SNTG2: variants seen among roughly 807,000 people sequenced by gnomAD.
SNTG2 encodes the protein syntrophin gamma 2.
SNTG2 carries 74 observed loss-of-function variants against 70.9 expected under a neutral mutation model. The ratio of observed to expected loss-of-function variants is 1.04; its 90% CI spans 0.86 to 1.27. The LOEUF is 1.27. Ranked by LOEUF, SNTG2 falls within the 50% of genes most tolerant of loss-of-function variation. The pLI, the probability that SNTG2 is intolerant of heterozygous loss-of-function variation, is 0.00. For synonymous variants in SNTG2, 278 were observed against 273.8 expected (o/e 1.02, Z -0.15); for missense variants, 717 against 690.7 (o/e 1.04, Z -0.43).
chr2:1,342,195 C>T (rs1660141476), intron 16 of SNTG2, among the ~76,000 whole-genome samples: 1 of 151,588 alleles, frequency 6.6e-6, no homozygotes, highest in Non-Finnish European at 1.5e-5. Flanking sequence ...TAGACAAGGC[C>T]GGTTTCTTGC....
intron 4 of SNTG2, among the ~76,000 whole-genome samples, chr2:1,120,617 T>G (rs1283301442): frequency 6.6e-6 from 1 of 152,062 alleles, no homozygotes; most frequent in African/African-American, 2.4e-5. Context: ...ACTTAACATC[T>G]GATAAAACAG....
At chr2:1,266,891 C>T (rs984388213) in intron 13 of SNTG2, among the ~76,000 whole-genome samples, 6 of 151,742 alleles carry the variant, frequency 4.0e-5, no homozygotes, top group Middle Eastern at 3.2e-3. Context: ...ATAGCTAGAA[C>T]TACAAGCGTG....
chr2:1,319,347 A>AT (rs934118294), intron 16 of SNTG2, among the ~76,000 whole-genome samples: 6 of 152,206 alleles, frequency 3.9e-5, no homozygotes, highest in African/African-American at 4.8e-5. Flanking sequence ...ATTTGTGGAA[A>AT]TTTTTTATGA....
chr2:1,340,548 C>T (rs541982446), intron 16 of SNTG2, among the ~76,000 whole-genome samples: 2 of 152,296 alleles, frequency 1.3e-5, no homozygotes, highest in South Asian at 2.1e-4. Flanking sequence ...ATATGATCAC[C>T]TCTATTCTTT....
At chr2:1,347,666 G>A (rs1660366296) in intron 16 of SNTG2, among the ~76,000 whole-genome samples, 1 of 152,194 alleles carries the variant, frequency 6.6e-6, no homozygotes. Context: ...TCAGCATTAA[G>A]GGGTCTGAAT....
chr2:1,159,989 A>G (rs1670164795), intron 6 of SNTG2, among the ~76,000 whole-genome samples: 1 of 152,202 alleles, frequency 6.6e-6, no homozygotes, highest in Non-Finnish European at 1.5e-5. Context: ...CGTCCGTGAG[A>G]AAGACTAGAA....
At chr2:1,022,901 C>T (rs1235415973) in intron 1 of SNTG2, among the ~76,000 whole-genome samples, 1 of 152,038 alleles carries the variant, frequency 6.6e-6, no homozygotes, top group East Asian at 1.9e-4. Flanking sequence ...TAGGGACTGT[C>T]GTCTGGAGAG....
intron 8 of SNTG2, among the ~76,000 whole-genome samples, chr2:1,199,598 A>T (rs1673153842): frequency 6.6e-6 from 1 of 152,124 alleles, no homozygotes; most frequent in African/African-American, 2.4e-5. Flanking sequence ...TTTGCAGATG[A>T]CATGATCTTA....
rs1303370196 is a variant in SNTG2 at position 1,150,525 on chromosome 2, T to A, written c.411+12716T>A. Reference sequence around the variant, plus strand: ...TGGGGGCTTGGTGTGCGCCTCCTGATGTATGGCCAGGAGGACAGAGCAGGA... The same window carrying A: ...TGGGGGCTTGGTGTGCGCCTCCTGAAGTATGGCCAGGAGGACAGAGCAGGA... On this transcript the variant is annotated intron_variant, in intron 6 of 16. Coordinates refer to ENST00000308624, the MANE Select transcript of SNTG2 (RefSeq NM_018968.4). Among the ~76,000 whole-genome samples the A allele has an allele frequency of 3.9e-5, 6 of 151,974 alleles. No homozygotes were observed. The East Asian group carries it at 9.7e-4, about 25-fold the overall frequency.
intron 1 of SNTG2, among the ~76,000 whole-genome samples, chr2:981,979 C>A (rs1235888128): frequency 6.6e-5 from 10 of 152,200 alleles, no homozygotes. Flanking sequence ...GATGCACACT[C>A]ACATGCACTT....
At chr2:1,098,508 G>A (rs1572424595) in intron 4 of SNTG2, 98 bp downstream of exon 4, 10 of 1,280,440 alleles carry the variant, frequency 7.8e-6, no homozygotes, top group Admixed American at 5.4e-5. Flanking sequence ...TGTTTTGCTC[G>A]ATTACCTAAA....
chr2:1,295,512 A>G (rs568102542), intron 14 of SNTG2, among the ~76,000 whole-genome samples: 12 of 152,338 alleles, frequency 7.9e-5, no homozygotes, highest in Admixed American at 6.5e-4. Flanking sequence ...CAGAAATGTA[A>G]TGATTGAGGA....
At chr2:1,164,600 G>A (rs1236472783) in intron 6 of SNTG2, among the ~76,000 whole-genome samples, 2 of 151,188 alleles carry the variant, frequency 1.3e-5, no homozygotes, top group African/African-American at 4.9e-5. Context: ...AAGTGAGATA[G>A]GAACCTGCCC....
At chr2:1,340,455 A>G (rs994504013) in intron 16 of SNTG2, among the ~76,000 whole-genome samples, 1 of 152,226 alleles carries the variant, frequency 6.6e-6, no homozygotes, top group African/African-American at 2.4e-5. Context: ...TTTCTTTTCC[A>G]GGTTCTGTAG....
At chr2:1,031,528 A>ATATATATATATATATATATATATTTT in intron 1 of SNTG2, among the ~76,000 whole-genome samples, 14 of 59,102 alleles carry the variant, frequency 2.4e-4, no homozygotes, top group Non-Finnish European at 3.5e-4. Context: ...ATATATATAT[A>ATATATATATATATATATATATATTTT]TTTTTTTTTT....
chr2:1,173,840 A>G (rs1465764158), intron 8 of SNTG2, among the ~76,000 whole-genome samples: 1 of 152,272 alleles, frequency 6.6e-6, no homozygotes, highest in Admixed American at 6.5e-5. Flanking sequence ...CCGCAGGGTG[A>G]CCTGTGAGCT....
At chr2:1,196,515 A>G (rs912361684) in intron 8 of SNTG2, among the ~76,000 whole-genome samples, 1 of 152,168 alleles carries the variant, frequency 6.6e-6, no homozygotes, top group African/African-American at 2.4e-5. Context: ...ATCTAGATAT[A>G]GAAAGCTTAA....
intron 16 of SNTG2, among the ~76,000 whole-genome samples, chr2:1,333,544 T>A (rs1317679679): frequency 1.3e-5 from 2 of 152,104 alleles, no homozygotes; most frequent in Non-Finnish European, 2.9e-5. Context: ...CAAACCATAA[T>A]AGAAGGCTAT....
chr2:1,337,488 C>T (rs984877113), intron 16 of SNTG2, among the ~76,000 whole-genome samples: 16 of 152,136 alleles, frequency 1.1e-4, no homozygotes, highest in African/African-American at 3.6e-4. Context: ...TCTATATCTT[C>T]CCTAAATAAA....
Sources: allele counts gnomAD v4.1 joint callset (sites outside exome capture counted in the v4.1 genomes callset), GRCh38; gene constraint gnomAD v4.1.1; transcripts MANE v1.5; gene names NCBI Gene and HGNC (gene_info 2026-07-23, HGNC 2026-07-21).